Variants in MYEF2 observed in about 807,000 individuals in gnomAD.
The protein encoded by MYEF2 is myelin expression factor 2, also known as myelin gene expression factor 2.
Under a neutral mutation model 75.2 loss-of-function variants are expected in MYEF2, and 37 were observed. The ratio of observed to expected loss-of-function variants is 0.49; its 90% CI spans 0.38 to 0.65. The LOEUF (loss-of-function observed/expected upper bound fraction) is 0.65. Among genes scored for constraint, MYEF2 ranks in the 30% least tolerant of loss-of-function variants. The pLI, the probability that MYEF2 is intolerant of heterozygous loss-of-function variation, is 0.00. For synonymous variants in MYEF2, 195 were observed against 241.6 expected (o/e 0.81, Z 1.79); for missense variants, 634 against 771.4 (o/e 0.82, Z 2.11).
At chr15:48,167,834 T>C (rs1447469989) in intron 2 of MYEF2, among the ~76,000 whole-genome samples, 1 of 152,132 alleles carries the variant, frequency 6.6e-6, no homozygotes, top group Non-Finnish European at 1.5e-5. Flanking sequence ...ATCAGTAAAC[T>C]AAATTTACAA....
chr15:48,142,194 T>C lies in MYEF2; in HGVS notation c.*714A>G. 6.2e-7 allele frequency: 1 copy of C among 1,613,866 alleles called. No homozygotes were observed. Among genetic ancestry groups the C allele is most frequent in the African/African-American group, 1.3e-5 (1 of 75,036 alleles). ...ATAACCATCTCTCTCAACATTTCAA[T>C]TATTTTTCTTTTTTTAGCAGTTCAC... On this transcript the variant is annotated 3_prime_UTR_variant, in exon 17 of 17. Transcript: ENST00000324324.
chr15:48,145,289 T>C (rs574529607), intron 16 of MYEF2, among the ~76,000 whole-genome samples: 1 of 151,984 alleles, frequency 6.6e-6, no homozygotes, highest in African/African-American at 2.4e-5. Flanking sequence ...CCTGATCCTA[T>C]AAAAACACCA....
In MYEF2 at chr15:48,142,435, T is replaced by G. The variant is rs1427789653; in HGVS notation, c.*473A>C. On this transcript the variant is annotated 3_prime_UTR_variant, in exon 17 of 17. Transcript: ENST00000324324. ...CCATTTCTTCATTTAAATCAAATTT[T>G]AAAAATCTTGAACCTTAGAATCTAA... The G allele has an allele frequency of 9.2e-6, 10 of 1,091,798 alleles. No individual in the cohort carries two copies. 67.6% of individuals were successfully genotyped at this position (1,091,798 alleles called of 1,614,324 possible).
chr15:48,143,175 A>G (rs957564225), intron 16 of MYEF2, 104 bp from the exon 17 acceptor site: 2 of 613,198 alleles, frequency 3.3e-6, no homozygotes, highest in Non-Finnish European at 4.8e-6. Context: ...TAATTTGATT[A>G]AAAACATTAA....
Position 48,152,235 on chromosome 15 carries a change from T to G in MYEF2, c.1137A>C (p.Gly379=), listed in dbSNP as rs1346742029. The change falls in exon 11 of 17, where the codon GGA becomes GGC. Residue 379 remains glycine, a splice_region_variant and synonymous_variant. Transcript: ENST00000324324. ...AAAAAAACAAATCTTTATACATACCTCCTCCAATTCTATTCATTCCTCCAA... is the reference window on the plus strand; with the variant it reads ...AAAAAAACAAATCTTTATACATACCGCCTCCAATTCTATTCATTCCTCCAA... ...PGFGGMNRIG[G]GIGFGGLEAM... is the part of the protein sequence containing the mutation. 1 of 1,610,398 alleles carries G rather than the reference T, an allele frequency of 6.2e-7. No homozygotes were observed. The highest frequency in any genetic ancestry group is 1.3e-5 in the African/African-American group (1 of 74,736).
chr15:48,161,859 T>C (rs1742119814), intron 5 of MYEF2, among the ~76,000 whole-genome samples: 1 of 146,816 alleles, frequency 6.8e-6, no homozygotes, highest in Non-Finnish European at 1.5e-5. Flanking sequence ...AATTCAAAGC[T>C]TTTTTTAATG....
At chr15:48,157,378 C>T (rs2039740306) in intron 9 of MYEF2, 1 of 152,080 alleles carries the variant, frequency 6.6e-6, no homozygotes, top group African/African-American at 2.4e-5. Context: ...TGTAAATCTA[C>T]TTCAGAATAT....
intron 14 of MYEF2, among the ~76,000 whole-genome samples, chr15:48,150,200 T>C (rs958934528): frequency 6.6e-6 from 1 of 151,790 alleles, no homozygotes; most frequent in Non-Finnish European, 1.5e-5. Context: ...TGGCTTTTTG[T>C]GAATAACCAA....
intron 10 of MYEF2, 77 bp downstream of exon 10, chr15:48,153,715 A>G: frequency 8.5e-7 from 1 of 1,178,092 alleles, no homozygotes; most frequent in South Asian, 1.3e-5. Context: ...AAACATTATT[A>G]CAGACCACAT....
At chr15:48,151,005 G>C (rs951230897) in intron 14 of MYEF2, 95 bp downstream of exon 14, 3 of 737,344 alleles carry the variant, frequency 4.1e-6, no homozygotes, top group African/African-American at 1.8e-5. Flanking sequence ...TAACGTATAA[G>C]AACAAAGTAT....
intron 11 of MYEF2, 146 bp from the exon 12 acceptor site, chr15:48,152,088 T>C (rs2039512826): frequency 8.8e-7 from 1 of 1,137,842 alleles, no homozygotes; most frequent in South Asian, 1.3e-5. Context: ...CCTTTAAGTA[T>C]GTACCAGGCT....
intron 5 of MYEF2, among the ~76,000 whole-genome samples, chr15:48,161,120 A>G (rs2039926121): frequency 1.3e-5 from 2 of 152,034 alleles, no homozygotes; most frequent in African/African-American, 4.8e-5. Flanking sequence ...ATATACATAT[A>G]TATGACAGAA....
intron 6 of MYEF2, among the ~76,000 whole-genome samples, chr15:48,159,221 A>G (rs1190546813): frequency 6.6e-6 from 1 of 152,122 alleles, no homozygotes; most frequent in Non-Finnish European, 1.5e-5. Flanking sequence ...CAGATTTTGA[A>G]AAGTATTGTT....
chr15:48,167,488 C>G, intron 2 of MYEF2, 87 bp from the exon 3 acceptor site: 9 of 1,198,756 alleles, frequency 7.5e-6, no homozygotes, highest in Non-Finnish European at 1.1e-5. Context: ...GTGCACAACT[C>G]TACAGAGAAG....
chr15:48,166,890 A>G (rs2140916440), intron 3 of MYEF2, among the ~76,000 whole-genome samples: 1 of 152,200 alleles, frequency 6.6e-6, no homozygotes, highest in South Asian at 2.1e-4. Context: ...AATGTCATTC[A>G]TACCAATTGG....
intron 5 of MYEF2, 135 bp downstream of exon 5, chr15:48,165,798 A>C (rs1473877411): frequency 3.4e-5 from 19 of 560,732 alleles, no homozygotes; most frequent in Non-Finnish European, 5.6e-5. Context: ...AACTTTCGTC[A>C]ATATATAATG....
intron 16 of MYEF2, among the ~76,000 whole-genome samples, chr15:48,147,448 T>C (rs751692115): frequency 2.0e-5 from 3 of 151,978 alleles, no homozygotes; most frequent in Non-Finnish European, 4.4e-5. Context: ...AGATTTTTTT[T>C]TTCACTCAAA....
Position 48,140,315 on chromosome 15 carries a change from TC to T in MYEF2, c.*2592del, listed in dbSNP as rs1190438455. ...TTAACAACCAATTCCAATTCCAATA[TC>T]AATGTATAAGCATGCAATAAATAAG... On this transcript the variant is annotated 3_prime_UTR_variant, in exon 17 of 17. Coordinates refer to ENST00000324324, the MANE Select transcript of MYEF2 (RefSeq NM_016132.5). 1.3e-5 allele frequency: 2 copies of T among 151,836 alleles called. No individual in the cohort carries two copies. Among genetic ancestry groups the T allele is most frequent in the African/African-American group, 4.8e-5 (2 of 41,326 alleles). 9.4% of individuals were successfully genotyped at this position (151,836 alleles called of 1,614,324 possible).
chr15:48,151,064 T>C, intron 14 of MYEF2, 36 bp downstream of exon 14: 1 of 1,476,362 alleles, frequency 6.8e-7, no homozygotes. Context: ...AGCACTCAAA[T>C]ATTACTGAAT....
Sources: gnomAD v4.1 joint callset for allele counts (sites outside exome capture counted in the v4.1 genomes callset) on GRCh38, gnomAD v4.1.1 for gene constraint, MANE v1.5 for transcripts, NCBI Gene and HGNC (gene_info 2026-07-23, HGNC 2026-07-21) for gene names.